TRIP11: variants seen among roughly 807,000 people sequenced by gnomAD.
TRIP11 encodes the protein thyroid receptor-interacting protein 11.
Under a neutral mutation model 223.1 loss-of-function variants are expected in TRIP11, and 148 were observed. The ratio of observed to expected loss-of-function variants is 0.66; its 90% CI spans 0.58 to 0.76. The LOEUF (loss-of-function observed/expected upper bound fraction) is 0.76. Among genes scored for constraint, TRIP11 ranks in the 30% least tolerant of loss-of-function variants. The probability of loss-of-function intolerance (pLI) is 0.00; values close to 1 mark genes in which losing one functional copy is unlikely to be tolerated. For missense variants in TRIP11, 2,043 were observed against 2,222.0 expected, an observed-to-expected ratio of 0.92 and a Z score of 1.62; for synonymous variants, 762 against 772.6, an observed-to-expected ratio of 0.99 and a Z score of 0.23.
chr14:92,002,675 C>G (rs1282406766), intron 11 of TRIP11, among the ~76,000 whole-genome samples: 2 of 151,634 alleles, frequency 1.3e-5, no homozygotes, highest in African/African-American at 4.9e-5. Flanking sequence ...CTCCTGGGTT[C>G]AAATGATTCT....
In TRIP11 at chr14:92,030,154, G is replaced by A. The variant is rs191641895; in HGVS notation, c.201+3038C>T. Reference sequence around the variant, plus strand: ...GGAGCTTGCAGTGAGCCTAGATCCCGCCACTGCACTCTGCACTCCAGCCTG... The same window carrying A: ...GGAGCTTGCAGTGAGCCTAGATCCCACCACTGCACTCTGCACTCCAGCCTG... On this transcript the variant is annotated intron_variant, in intron 2 of 20. Coordinates refer to ENST00000267622, the MANE Select transcript of TRIP11 (RefSeq NM_004239.4). 7.2e-3 allele frequency among the ~76,000 whole-genome samples: 955 copies of A among 132,414 alleles called. 9 individuals carry two copies. The highest frequency in any genetic ancestry group is 0.026 in the African/African-American group (899 of 34,502). 86.9% of individuals were successfully genotyped at this position (132,414 alleles called of 152,430 possible).
At chr14:91,999,555 G>A in intron 12 of TRIP11, 122 bp from the exon 13 acceptor site, 3 of 1,053,944 alleles carry the variant, frequency 2.8e-6, no homozygotes, top group Non-Finnish European at 2.8e-6. Flanking sequence ...TTCTCATACT[G>A]CAAAATGTAT....
rs556080156 is a variant in TRIP11, at chr14:91,999,847, G to A, written c.4698+121C>T. The A allele has an allele frequency of 6.2e-5, 83 of 1,331,670 alleles. No individual in the cohort carries two copies. The South Asian group carries it at 9.7e-4, about 16-fold the overall frequency. 82.5% of individuals were successfully genotyped at this position (1,331,670 alleles called of 1,614,324 possible). A position where few individuals can be genotyped will look rare whatever the true frequency, so the allele number is the denominator to read the frequency against. ...ATTAAAATTTTACTACTGCACAGCA[G>A]AGGAAGAATAAGAAAAATCACCTAA... On this transcript the variant is annotated intron_variant, in intron 12 of 20. Coordinates refer to ENST00000267622, the MANE Select transcript of TRIP11 (RefSeq NM_004239.4).
chr14:92,005,400 T>C lies in TRIP11; in HGVS notation c.2576A>G (p.Lys859Arg), dbSNP rs1566860102. Residue 859 changes from lysine (K) to arginine (R), a missense_variant, in exon 11 of 21, where the codon AAA becomes AGA. Physicochemically the swap from Lys to Arg is conservative, Grantham distance 26. Coordinates refer to ENST00000267622, the MANE Select transcript of TRIP11 (RefSeq NM_004239.4). The stretch of plus-strand genomic sequence containing the variant: ...TTCTTGCAGATGATTATTTTCCTCT[T>C]TCATGGATCCAAGACTTCGGTCTTT... ...EEKDRSLGSM[K>R]EENNHLQEEL... The C allele has an allele frequency of 1.2e-6, 2 of 1,614,146 alleles. No homozygotes were observed. The highest frequency in any genetic ancestry group is 2.2e-5 in the South Asian group (2 of 91,086).
In TRIP11 at chr14:91,966,652, G is replaced by T; in HGVS notation, c.*3021C>A. ...GTTTTAATTGACTAGTTGGAAAGAAGCCATTCTTTTCCTAGGGTTTTGTTG... is the reference window on the plus strand; with the variant it reads ...GTTTTAATTGACTAGTTGGAAAGAATCCATTCTTTTCCTAGGGTTTTGTTG... On this transcript the variant is annotated 3_prime_UTR_variant, in exon 21 of 21. Coordinates refer to ENST00000267622, the MANE Select transcript of TRIP11 (RefSeq NM_004239.4). 1 of 214,084 alleles carries T rather than the reference G, an allele frequency of 4.7e-6. No homozygotes were observed. The highest frequency in any genetic ancestry group is 9.4e-6 in the Non-Finnish European group (1 of 105,928). 13.3% of individuals were successfully genotyped at this position (214,084 alleles called of 1,614,324 possible). A position where few individuals can be genotyped will look rare whatever the true frequency, so the allele number is the denominator to read the frequency against.
intron 7 of TRIP11, among the ~76,000 whole-genome samples, chr14:92,012,420 C>T (rs1483884783): frequency 6.6e-6 from 1 of 152,122 alleles, no homozygotes; most frequent in Non-Finnish European, 1.5e-5. Context: ...CCCTTGCTCT[C>T]GAAGAGCTTA....
intron 19 of TRIP11, 89 bp downstream of exon 19, chr14:91,974,537 AT>A (rs113007599): frequency 4.4e-5 from 49 of 1,107,242 alleles, no homozygotes; most frequent in Middle Eastern, 3.0e-4. Flanking sequence ...GTATAAAATA[AT>A]TTTAAAAAAA....
chr14:92,006,359 T>A lies in TRIP11; in HGVS notation c.1617A>T (p.Glu539Asp). Residue 539 changes from glutamate to aspartate, a missense_variant, in exon 11 of 21, where the codon GAA becomes GAT. By Grantham distance (45) the Glu-to-Asp change is conservative. Coordinates refer to ENST00000267622, the MANE Select transcript of TRIP11 (RefSeq NM_004239.4). ...CTTCAAGTTGATGAACTCTCTTTTT[T>A]TCATCATTTAGATCTTGTTTCAGTT... The part of the protein sequence containing the change: ...ISKLKQDLND[E>D]KKRVHQLEDD... The A allele has an allele frequency of 6.2e-7, 1 of 1,612,356 alleles. No individual in the cohort carries two copies. The highest frequency in any genetic ancestry group is 8.5e-7 in the Non-Finnish European group (1 of 1,179,282).
intron 13 of TRIP11, 36 bp from the exon 14 acceptor site, chr14:91,995,551 T>A (rs746807783): frequency 6.2e-7 from 1 of 1,611,290 alleles, no homozygotes; most frequent in Non-Finnish European, 8.5e-7. Context: ...AACTGCTTCA[T>A]CTATTTAGAT....
intron 1 of TRIP11, among the ~76,000 whole-genome samples, chr14:92,038,029 T>G (rs972414517): frequency 6.6e-5 from 10 of 152,060 alleles, no homozygotes; most frequent in African/African-American, 2.4e-4. Context: ...TGGGAAAGAT[T>G]ATAGGGATCT....
chr14:91,992,156 T>C (rs1021820842), intron 15 of TRIP11, among the ~76,000 whole-genome samples: 1 of 142,832 alleles, frequency 7.0e-6, no homozygotes. Flanking sequence ...TCCATTTACA[T>C]AGACTTCAAA....
rs2140131535 is a variant in TRIP11 at position 92,015,849 on chromosome 14, T to C, written c.670A>G (p.Asn224Asp). 1 of 1,611,422 alleles carries C rather than the reference T, an allele frequency of 6.2e-7. No homozygotes were observed. The part of the protein sequence containing the change: ...LQNIIKELKQ[N>D]RSQEIDDHQH... Reference sequence around the variant, plus strand: ...TGGTCATCAATTTCCTGACTTCGGTTCTGTTTTAGTTCCTTAAAAAATAAA... The same window carrying C: ...TGGTCATCAATTTCCTGACTTCGGTCCTGTTTTAGTTCCTTAAAAAATAAA... Residue 224 changes from asparagine (N) to aspartate (D), a missense_variant, in exon 6 of 21, where the codon AAC (asparagine) becomes GAC (aspartate). Physicochemically the swap from Asn to Asp is conservative, Grantham distance 23. Transcript: ENST00000267622.
intron 9 of TRIP11, among the ~76,000 whole-genome samples, chr14:92,010,310 C>T (rs1358466060): frequency 2.6e-5 from 4 of 152,114 alleles, no homozygotes; most frequent in Non-Finnish European, 4.4e-5. Flanking sequence ...GTGGGCAGAT[C>T]ACCTGAGGTC....
At position 92,021,586 on chromosome 14, in the gene TRIP11, A is replaced by G. The variant is rs2057115357; in HGVS notation, c.558T>C (p.Ser186=). Residue 186 remains serine (S), a synonymous_variant, in exon 4 of 21, where the codon TCT becomes TCC. Transcript: ENST00000267622. ...RLSNEVSRLE[S]EVGHWRHIAQ... is the part of the protein sequence containing the mutation. ...CAATATGCCTCCAATGGCCAACTTC[A>G]GACTCAAGTCTTGAAACTTCATTTG... 1 of 1,614,074 alleles carries G rather than the reference A, an allele frequency of 6.2e-7. No individual in the cohort carries two copies. The highest frequency in any genetic ancestry group is 2.2e-5 in the East Asian group (1 of 44,898).
intron 8 of TRIP11, among the ~76,000 whole-genome samples, chr14:92,011,483 CAAAAAAAAAAAAAAAA>C (rs200967942): frequency 2.4e-5 from 1 of 42,470 alleles, no homozygotes; most frequent in African/African-American, 8.7e-5. Flanking sequence ...GACTCCGTCT[CAAAAAAAAAAAAAAAA>C]AAAAAAAAAA....
chr14:91,997,979 G>A (rs2140108632), intron 13 of TRIP11, among the ~76,000 whole-genome samples: 1 of 152,196 alleles, frequency 6.6e-6, no homozygotes, highest in Non-Finnish European at 1.5e-5. Flanking sequence ...GAAACATATA[G>A]CCAAATGATC....
chr14:91,978,862 A>G lies in TRIP11; in HGVS notation c.5261-2673T>C, dbSNP rs1249437770. 1.3e-5 allele frequency among the ~76,000 whole-genome samples: 2 copies of G among 152,210 alleles called. No homozygotes were observed. Among genetic ancestry groups the G allele is most frequent in the Non-Finnish European group, 2.9e-5 (2 of 68,034 alleles). On this transcript the variant is annotated intron_variant, in intron 16 of 20. Coordinates refer to ENST00000267622, the MANE Select transcript of TRIP11 (RefSeq NM_004239.4). The surrounding 1 kb of genome is among the most constrained non-coding windows in gnomAD (Gnocchi z 4.4). ...TTTTTACTGTTTTAACATGGCCACT[A>G]AAAAATTTAAAATTGCACGTGGCTC... is the stretch of plus-strand genomic sequence containing the variant.
At chr14:91,985,837 GCGATT>G (rs2056598393) in intron 16 of TRIP11, among the ~76,000 whole-genome samples, 1 of 152,156 alleles carries the variant, frequency 6.6e-6, no homozygotes, top group Admixed American at 6.5e-5. Context: ...AAAATATACA[GCGATT>G]CTTTTGAAAC....
chr14:92,005,656 C>T lies in TRIP11; in HGVS notation c.2320G>A (p.Glu774Lys), dbSNP rs1285524024. ...ATATTCTTTTTGAGTTCTGCTATTT[C>T]CATGTCTTTCTTTTGATTGAGTTTA... is the stretch of plus-strand genomic sequence containing the variant. ...LIKLNQKKDM[E>K]IAELKKNIEQ... The change falls in exon 11 of 21, where the codon GAA (glutamate) becomes AAA (lysine). Residue 774 changes from glutamate to lysine, a missense_variant. Transcript: ENST00000267622. The T allele has an allele frequency of 6.2e-7, 1 of 1,613,702 alleles. No homozygotes were observed. Among genetic ancestry groups the T allele is most frequent in the Non-Finnish European group, 8.5e-7 (1 of 1,179,994 alleles).
Sources: allele counts gnomAD v4.1 joint callset (sites outside exome capture counted in the v4.1 genomes callset), GRCh38; gene constraint gnomAD v4.1.1; non-coding constraint Gnocchi (gnomAD v3.1); transcripts MANE v1.5; gene names NCBI Gene and HGNC (gene_info 2026-07-23, HGNC 2026-07-21).